Variants in VRK2 observed in about 807,000 individuals in gnomAD.
The protein encoded by VRK2 is VRK serine/threonine kinase 2.
In VRK2, 60 loss-of-function variants were observed where a neutral mutation model predicts 57.6. The observed-to-expected ratio is 1.04, with a 90% confidence interval of 0.85 to 1.29. The LOEUF is 1.29. VRK2 is among the 50% of genes most tolerant of loss of function. VRK2 has a pLI of 0.00. For missense variants in VRK2, 705 were observed against 588.1 expected, an observed-to-expected ratio of 1.20 and a Z score of -2.06; for synonymous variants, 231 against 199.2, an observed-to-expected ratio of 1.16 and a Z score of -1.35.
At chr2:58,129,126 A>G (rs1678797805) in intron 8 of VRK2, among the ~76,000 whole-genome samples, 1 of 152,206 alleles carries the variant, frequency 6.6e-6, no homozygotes, top group Admixed American at 6.5e-5. Flanking sequence ...TAACTTGAGA[A>G]AGTTTAGAAA....
chr2:57,965,080 C>A (rs566195230), intron 1 of VRK2, among the ~76,000 whole-genome samples: 307 of 152,212 alleles, frequency 2.0e-3, no homozygotes, highest in African/African-American at 7.1e-3. Context: ...ATGCACCTAA[C>A]ATTAAGTTGG....
At chr2:58,137,218 A>ATATATATGATACATG (rs1680583486) in intron 10 of VRK2, among the ~76,000 whole-genome samples, 1 of 42,812 alleles carries the variant, frequency 2.3e-5, no homozygotes, top group African/African-American at 1.6e-4. Flanking sequence ...TATGATACAT[A>ATATATATGATACATG]TATATCATAT....
At chr2:58,082,800 T>A (rs925634051) in intron 2 of VRK2, among the ~76,000 whole-genome samples, 1 of 151,880 alleles carries the variant, frequency 6.6e-6, no homozygotes, top group Non-Finnish European at 1.5e-5. Flanking sequence ...GTTTACAATT[T>A]AATATTAGCT....
intron 10 of VRK2, among the ~76,000 whole-genome samples, chr2:58,139,298 G>T (rs1354764014): frequency 6.6e-6 from 1 of 152,104 alleles, no homozygotes; most frequent in African/African-American, 2.4e-5. Context: ...ATTTTTAGAA[G>T]TTCAGCATAA....
At chr2:57,933,309 CTTTTT>C (rs71394403) in intron 1 of VRK2, among the ~76,000 whole-genome samples, 1 of 63,318 alleles carries the variant, frequency 1.6e-5, no homozygotes, top group East Asian at 5.1e-4. Context: ...CTTTCTTTTT[CTTTTT>C]TTTTTTTTTT....
intron 1 of VRK2, among the ~76,000 whole-genome samples, chr2:57,962,530 C>T (rs1390457564): frequency 6.6e-6 from 1 of 152,042 alleles, no homozygotes; most frequent in Non-Finnish European, 1.5e-5. Context: ...AGGTAATAAG[C>T]ATAGTATTTG....
intron 1 of VRK2, among the ~76,000 whole-genome samples, chr2:57,990,449 T>C (rs1166722302): frequency 6.6e-6 from 1 of 152,116 alleles, no homozygotes; most frequent in Non-Finnish European, 1.5e-5. Flanking sequence ...TTATTCAGGG[T>C]AAATATTGTC....
At chr2:58,050,158 TA>T (rs1675495171) in intron 2 of VRK2, among the ~76,000 whole-genome samples, 1 of 152,162 alleles carries the variant, frequency 6.6e-6, no homozygotes, top group Non-Finnish European at 1.5e-5. Context: ...TAAAATACGT[TA>T]AAAGAAACAG....
At chr2:58,119,831 A>G (rs17049351) in intron 7 of VRK2, among the ~76,000 whole-genome samples, 10,312 of 151,792 alleles carry the variant, frequency 0.068, 421 homozygotes, top group Middle Eastern at 0.092. Flanking sequence ...CTAGTGGATA[A>G]AAGTCCAAAC....
intron 1 of VRK2, among the ~76,000 whole-genome samples, chr2:57,974,166 T>A (rs764755041): frequency 6.6e-6 from 1 of 151,968 alleles, no homozygotes; most frequent in Non-Finnish European, 1.5e-5. Flanking sequence ...CCATATAAGG[T>A]TTTTATATTT....
chr2:58,081,789 A>G (rs181754041), intron 2 of VRK2, among the ~76,000 whole-genome samples: 46 of 151,558 alleles, frequency 3.0e-4, no homozygotes, highest in Non-Finnish European at 6.3e-4. Context: ...ACATGTATTT[A>G]ATGATGCATC....
chr2:58,008,009 A>G (rs1332928094), intron 1 of VRK2, among the ~76,000 whole-genome samples: 1 of 152,170 alleles, frequency 6.6e-6, no homozygotes, highest in African/African-American at 2.4e-5. Flanking sequence ...AGAAAAAATA[A>G]GAATGTAGTG....
intron 2 of VRK2, among the ~76,000 whole-genome samples, chr2:58,079,608 T>A (rs933175317): frequency 6.6e-6 from 1 of 152,082 alleles, no homozygotes; most frequent in Non-Finnish European, 1.5e-5. Flanking sequence ...TTTTTTTTCC[T>A]ATGGGTTACA....
chr2:58,043,811 T>C (rs1472021365), upstream of VRK2, among the ~76,000 whole-genome samples: 2 of 152,222 alleles, frequency 1.3e-5, no homozygotes, highest in African/African-American at 4.8e-5. Flanking sequence ...GCCAAACTGT[T>C]TTCCAGAGTG....
chr2:58,002,752 G>A (rs1314916491), intron 1 of VRK2, among the ~76,000 whole-genome samples: 1 of 152,184 alleles, frequency 6.6e-6, no homozygotes, highest in Non-Finnish European at 1.5e-5. Flanking sequence ...TCTTCAACAG[G>A]TGTTTTACAA....
chr2:57,969,919 T>C (rs891994286), intron 1 of VRK2, among the ~76,000 whole-genome samples: 2 of 152,086 alleles, frequency 1.3e-5, no homozygotes, highest in Non-Finnish European at 2.9e-5. Flanking sequence ...TATAAAAGAA[T>C]TCCATTGACC....
upstream of VRK2, among the ~76,000 whole-genome samples, chr2:58,045,316 C>G (rs888680409): frequency 6.6e-6 from 1 of 152,176 alleles, no homozygotes; most frequent in African/African-American, 2.4e-5. Context: ...TTTACTAACA[C>G]TGGATACATG....
intron 7 of VRK2, among the ~76,000 whole-genome samples, chr2:58,102,924 C>A (rs1246104910): frequency 7.9e-5 from 12 of 151,562 alleles, no homozygotes; most frequent in Non-Finnish European, 4.4e-5. Context: ...AAATTAATAC[C>A]ATGAGTAATT....
chr2:58,010,648 G>A (rs1402118747), intron 1 of VRK2, among the ~76,000 whole-genome samples: 1 of 152,198 alleles, frequency 6.6e-6, no homozygotes, highest in African/African-American at 2.4e-5. Flanking sequence ...CCTGTCAGAG[G>A]CACAGGCATG....
Sources: gnomAD v4.1 joint callset for allele counts (sites outside exome capture counted in the v4.1 genomes callset) on GRCh38, gnomAD v4.1.1 for gene constraint, MANE v1.5 for transcripts, NCBI Gene and HGNC (gene_info 2026-07-23, HGNC 2026-07-21) for gene names.